Variants in ADK observed in about 807,000 individuals in gnomAD.
ADK encodes the protein N6,N6-dimethyladenosine kinase.
Under a neutral mutation model 44.7 loss-of-function variants are expected in ADK, and 24 were observed. That is an observed-to-expected ratio of 0.54 (90% confidence interval 0.39 to 0.76). The LOEUF (loss-of-function observed/expected upper bound fraction) is 0.76, where lower values mean the gene tolerates loss of function less well. Ranked by LOEUF, ADK falls within the 30% of genes least tolerant of loss-of-function variation. The probability of loss-of-function intolerance (pLI) is 0.00; values close to 1 mark genes in which losing one functional copy is unlikely to be tolerated. For missense variants in ADK, 321 were observed against 425.1 expected, an observed-to-expected ratio of 0.76 and a Z score of 2.15; for synonymous variants, 128 against 142.6, an observed-to-expected ratio of 0.90 and a Z score of 0.73.
At chr10:74,673,970 A>T (rs1344096913) in intron 10 of ADK, among the ~76,000 whole-genome samples, 2 of 152,144 alleles carry the variant, frequency 1.3e-5, no homozygotes, top group Non-Finnish European at 2.9e-5. Flanking sequence ...TACAACATCC[A>T]GCTGCTTCTC....
At chr10:74,233,410 C>T (rs553487580) in intron 3 of ADK, among the ~76,000 whole-genome samples, 2 of 152,186 alleles carry the variant, frequency 1.3e-5, no homozygotes, top group Admixed American at 1.3e-4. Flanking sequence ...TAGTTGTGGA[C>T]GTAAGGTAGA....
intron 9 of ADK, chr10:74,655,860 G>A (rs144912785): frequency 4.1e-4 from 236 of 577,694 alleles, no homozygotes; most frequent in African/African-American, 3.7e-3. Flanking sequence ...GAACGACCAG[G>A]AAGCCAGGCT....
At chr10:74,695,619 G>GTGTGTGT (rs1554899155) in intron 10 of ADK, among the ~76,000 whole-genome samples, 22 of 90,120 alleles carry the variant, frequency 2.4e-4, no homozygotes, top group African/African-American at 7.7e-4. Flanking sequence ...GTATGTGTGG[G>GTGTGTGT]GTGTGTGTGT....
intron 9 of ADK, among the ~76,000 whole-genome samples, chr10:74,627,200 C>G (rs931813101): frequency 1.3e-5 from 2 of 151,876 alleles, no homozygotes; most frequent in African/African-American, 4.8e-5. Flanking sequence ...AAAAAAAAAG[C>G]TTTCTTGGCT....
chr10:74,481,756 C>T (rs529100775), intron 6 of ADK, among the ~76,000 whole-genome samples: 7 of 151,996 alleles, frequency 4.6e-5, no homozygotes, highest in African/African-American at 1.4e-4. Context: ...TTCTCATCTT[C>T]GAATATGGTA....
In ADK at chr10:74,509,922, T is replaced by C. The variant is rs144591551; in HGVS notation, c.556-15334T>C. On this transcript the variant is annotated intron_variant, in intron 6 of 10. Transcript: ENST00000539909. ...CCATGAACCACAGGATTTTATGCTT[T>C]TTTATGGCTGAATGGTTTTTCTTTG... Among the ~76,000 whole-genome samples, 727 of 152,346 alleles carry C rather than the reference T, an allele frequency of 4.8e-3. 7 individuals carry two copies. Among genetic ancestry groups the C allele is most frequent in the African/African-American group, 0.017 (692 of 41,588 alleles).
chr10:74,273,057 G>A (rs947432749), intron 3 of ADK, among the ~76,000 whole-genome samples: 1 of 152,128 alleles, frequency 6.6e-6, no homozygotes, highest in Admixed American at 6.5e-5. Context: ...TGAAGTTTGA[G>A]TGTGGTGGAT....
At chr10:74,462,854 A>C (rs1846218887) in intron 6 of ADK, among the ~76,000 whole-genome samples, 1 of 152,184 alleles carries the variant, frequency 6.6e-6, no homozygotes, top group African/African-American at 2.4e-5. Context: ...TATATTAAGG[A>C]TAGGCTATTG....
At chr10:74,583,398 A>G (rs1052874643) in intron 7 of ADK, among the ~76,000 whole-genome samples, 3 of 152,228 alleles carry the variant, frequency 2.0e-5, no homozygotes, top group Non-Finnish European at 4.4e-5. Context: ...TGTGAATTAA[A>G]ACTTCAAATA....
chr10:74,189,922 A>G (rs1471072809), intron 1 of ADK, among the ~76,000 whole-genome samples: 1 of 152,054 alleles, frequency 6.6e-6, no homozygotes, highest in East Asian at 1.9e-4. Context: ...AGCGTGTATC[A>G]GTATTTCATT....
At chr10:74,306,262 A>T (rs185776884) in intron 3 of ADK, among the ~76,000 whole-genome samples, 3 of 152,002 alleles carry the variant, frequency 2.0e-5, no homozygotes, top group African/African-American at 7.2e-5. Context: ...TTAAATTTCT[A>T]GTTATTGAAT....
intron 9 of ADK, among the ~76,000 whole-genome samples, chr10:74,649,452 C>G (rs10824216): frequency 0.12 from 18,035 of 151,660 alleles, 1,376 homozygotes; most frequent in Middle Eastern, 0.21. Context: ...ATAGGGAGAC[C>G]CTGTCTACAA....
chr10:74,167,037 A>G (rs1441800539), intron 1 of ADK, among the ~76,000 whole-genome samples: 1 of 152,214 alleles, frequency 6.6e-6, no homozygotes, highest in Non-Finnish European at 1.5e-5. Context: ...TATTTTATAA[A>G]CGAGAAATAG....
At chr10:74,216,352 T>A (rs1449012382) in intron 2 of ADK, among the ~76,000 whole-genome samples, 2 of 152,170 alleles carry the variant, frequency 1.3e-5, no homozygotes, top group Non-Finnish European at 2.9e-5. Context: ...ATTTTTTATT[T>A]ATTAAAAAAA....
intron 5 of ADK, 47 bp from the exon 6 acceptor site, chr10:74,398,424 G>T (rs762624016): frequency 3.8e-6 from 5 of 1,311,338 alleles, no homozygotes; most frequent in Non-Finnish European, 3.3e-6. Flanking sequence ...TGAAACATAT[G>T]CTAAGTTTGA....
chr10:74,697,911 T>C (rs1227160968), intron 10 of ADK, among the ~76,000 whole-genome samples: 1 of 152,208 alleles, frequency 6.6e-6, no homozygotes, highest in East Asian at 1.9e-4. Flanking sequence ...TTAACATATG[T>C]TTCAGGTCTC....
At chr10:74,162,074 G>A (rs1350742942) in intron 1 of ADK, among the ~76,000 whole-genome samples, 5 of 152,128 alleles carry the variant, frequency 3.3e-5, no homozygotes, top group African/African-American at 9.7e-5. Flanking sequence ...AGGCTGGAGT[G>A]TAGTGGCACG....
intron 3 of ADK, among the ~76,000 whole-genome samples, chr10:74,299,642 A>T (rs1035180331): frequency 5.3e-5 from 8 of 151,152 alleles, no homozygotes; most frequent in South Asian, 2.1e-4. Flanking sequence ...TGGATCAGAA[A>T]AAAGGGTTAA....
At chr10:74,617,570 A>G (rs1852819793) in intron 9 of ADK, among the ~76,000 whole-genome samples, 1 of 151,792 alleles carries the variant, frequency 6.6e-6, no homozygotes, top group Admixed American at 6.6e-5. Flanking sequence ...TTAATGTCTT[A>G]TTGGATTTGA....
Sources: allele counts gnomAD v4.1 joint callset (sites outside exome capture counted in the v4.1 genomes callset), GRCh38; gene constraint gnomAD v4.1.1; transcripts MANE v1.5; gene names NCBI Gene and HGNC (gene_info 2026-07-23, HGNC 2026-07-21).